MET: variants seen among roughly 807,000 people sequenced by gnomAD.
MET encodes the protein hepatocyte growth factor receptor.
A neutral mutation model predicts 133.1 loss-of-function variants in MET; 48 were observed. The ratio of observed to expected loss-of-function variants is 0.36; its 90% confidence interval spans 0.29 to 0.46. The LOEUF (loss-of-function observed/expected upper bound fraction) is 0.46, where lower values mean the gene tolerates loss of function less well. Among genes scored for constraint, MET ranks in the 20% least tolerant of loss-of-function variants. The pLI is 1.00. For missense variants in MET, 1,442 were observed against 1,695.9 expected (o/e 0.85, Z 2.63); for synonymous variants, 628 against 616.5 (o/e 1.02, Z -0.28).
chr7:116,740,197 C>T (rs554477707), intron 4 of MET, 113 bp downstream of exon 4: 21 of 1,217,618 alleles, frequency 1.7e-5, no homozygotes, highest in Middle Eastern at 3.8e-4. Flanking sequence ...ATTTACCCCT[C>T]CTCCATTAAG....
At chr7:116,760,680 G>A (rs902967673) in intron 10 of MET, among the ~76,000 whole-genome samples, 1 of 152,016 alleles carries the variant, frequency 6.6e-6, no homozygotes, top group Non-Finnish European at 1.5e-5. Flanking sequence ...ACCAATTTGG[G>A]GCTAAAAATG....
At chr7:116,768,916 A>G (rs898663810) in intron 11 of MET, among the ~76,000 whole-genome samples, 12 of 152,350 alleles carry the variant, frequency 7.9e-5, no homozygotes, top group Admixed American at 7.8e-4. Context: ...TTAACTAAAT[A>G]TGCCACATTA....
intron 1 of MET, among the ~76,000 whole-genome samples, chr7:116,679,837 T>A (rs141338324): frequency 7.2e-5 from 11 of 152,338 alleles, no homozygotes; most frequent in Non-Finnish European, 1.5e-4. Flanking sequence ...GAATTTGACA[T>A]AGCTTTAAGT....
At chr7:116,706,929 A>C (rs191800706) in intron 2 of MET, among the ~76,000 whole-genome samples, 117 of 150,594 alleles carry the variant, frequency 7.8e-4, no homozygotes, top group African/African-American at 2.6e-3. Context: ...GTGGTAACCG[A>C]ATCTAGGATC....
intron 2 of MET, among the ~76,000 whole-genome samples, chr7:116,717,437 A>G (rs1792287435): frequency 6.6e-6 from 1 of 152,254 alleles, no homozygotes; most frequent in African/African-American, 2.4e-5. Flanking sequence ...TTAGGGAAAT[A>G]AGAATTCCTG....
intron 2 of MET, among the ~76,000 whole-genome samples, chr7:116,726,172 T>C (rs867317441): frequency 4.1e-4 from 8 of 19,548 alleles, no homozygotes; most frequent in Non-Finnish European, 7.6e-4. Flanking sequence ...TATATATATA[T>C]ATATATGGGA....
intron 19 of MET, among the ~76,000 whole-genome samples, chr7:116,785,254 A>C (rs1003879784): frequency 6.6e-6 from 1 of 152,166 alleles, no homozygotes; most frequent in Non-Finnish European, 1.5e-5. Context: ...CTGTCAGTGG[A>C]TCTACCTTTC....
At chr7:116,745,330 A>G (rs1379934608) in intron 5 of MET, among the ~76,000 whole-genome samples, 1 of 152,210 alleles carries the variant, frequency 6.6e-6, no homozygotes, top group Non-Finnish European at 1.5e-5. Flanking sequence ...GGAAGAATCA[A>G]TATCATGAAA....
intron 2 of MET, among the ~76,000 whole-genome samples, chr7:116,714,646 G>T (rs1293111305): frequency 6.6e-6 from 1 of 151,984 alleles, no homozygotes; most frequent in Non-Finnish European, 1.5e-5. Context: ...CATTTGCCAG[G>T]ATTGACAAAC....
intron 17 of MET, among the ~76,000 whole-genome samples, chr7:116,780,703 C>G (rs1178507322): frequency 1.3e-5 from 2 of 152,220 alleles, no homozygotes; most frequent in African/African-American, 2.4e-5. Flanking sequence ...TGGCCTTTCT[C>G]TATGCTGTGT....
At chr7:116,771,688 A>G (rs1794838581) in intron 13 of MET, 34 bp downstream of exon 13, 1 of 1,611,810 alleles carries the variant, frequency 6.2e-7, no homozygotes, top group Non-Finnish European at 8.5e-7. Flanking sequence ...TTTAGAAGTT[A>G]CCTTAAGAAC....
intron 17 of MET, 52 bp from the exon 18 acceptor site, chr7:116,781,936 A>G: frequency 8.8e-7 from 1 of 1,142,472 alleles, no homozygotes; most frequent in South Asian, 1.3e-5. Flanking sequence ...TAAGGTCAAA[A>G]TTAGAACAGT....
intron 19 of MET, among the ~76,000 whole-genome samples, chr7:116,791,465 T>A (rs371152827): frequency 6.6e-6 from 1 of 152,206 alleles, no homozygotes. Context: ...TCGAGCCTCT[T>A]TTCATGAGCT....
intron 5 of MET, among the ~76,000 whole-genome samples, chr7:116,743,314 G>A (rs1318829346): frequency 6.6e-6 from 1 of 152,192 alleles, no homozygotes; most frequent in Non-Finnish European, 1.5e-5. Flanking sequence ...CGGCCATTTG[G>A]GCAGACACCG....
rs530932258 is a variant in MET, at chr7:116,699,655, C to G, written c.571C>G (p.Arg191Gly). The change falls in exon 2 of 21, where the codon CGG becomes GGG. Residue 191 changes from arginine to glycine, a missense_variant. Arg to Gly is a moderately radical substitution (Grantham distance 125). This residue lies in a region of MET where 762 missense variants were observed against 792.4 expected (regional missense o/e 0.96). Transcript: ENST00000397752. Reference sequence around the variant, plus strand: ...CAAAGTCCTTTCATCTGTAAAGGACCGGTTCATCAACTTCTTTGTAGGCAA... The same window carrying G: ...CAAAGTCCTTTCATCTGTAAAGGACGGGTTCATCAACTTCTTTGTAGGCAA... The part of the protein sequence containing the change: ...GAKVLSSVKD[R>G]FINFFVGNTI... The G allele has an allele frequency of 6.2e-7, 1 of 1,613,922 alleles. No homozygotes were observed. Among genetic ancestry groups the G allele is most frequent in the African/African-American group, 1.3e-5 (1 of 75,002 alleles).
chr7:116,672,879 G>C (rs576949323), intron 1 of MET, among the ~76,000 whole-genome samples: 1 of 152,222 alleles, frequency 6.6e-6, no homozygotes, highest in East Asian at 1.9e-4. Context: ...GCTGGGATCT[G>C]ACTCAGCCCT....
intron 3 of MET, among the ~76,000 whole-genome samples, chr7:116,738,973 G>T (rs1793344728): frequency 6.6e-6 from 1 of 152,310 alleles, no homozygotes; most frequent in Admixed American, 6.5e-5. Context: ...TCAATGCAAT[G>T]TAAAAGGCTA....
chr7:116,763,542 A>G (rs1024838641), intron 11 of MET, among the ~76,000 whole-genome samples: 2 of 152,254 alleles, frequency 1.3e-5, no homozygotes, highest in African/African-American at 2.4e-5. Flanking sequence ...GATCCGCGTC[A>G]TGCATTATCT....
chr7:116,735,779 CTT>C (rs34534013), intron 3 of MET, among the ~76,000 whole-genome samples: 37 of 129,804 alleles, frequency 2.9e-4, no homozygotes, highest in Admixed American at 4.9e-4. Flanking sequence ...TTAGCTTTGG[CTT>C]TTTTTTTTTT....
Sources: gnomAD v4.1 joint callset for allele counts (sites outside exome capture counted in the v4.1 genomes callset) on GRCh38, gnomAD v4.1.1 for gene constraint, gnomAD v4.1.1 regional missense constraint, MANE v1.5 for transcripts, NCBI Gene and HGNC (gene_info 2026-07-23, HGNC 2026-07-21) for gene names.